PCLO: variants seen among roughly 807,000 people sequenced by gnomAD.
The protein encoded by PCLO is protein piccolo.
A neutral mutation model predicts 427.5 loss-of-function variants in PCLO; 82 were observed. That is an observed-to-expected ratio of 0.19 (90% CI 0.16 to 0.23). PCLO has a LOEUF of 0.23. Among genes scored for constraint, PCLO ranks in the 10% least tolerant of loss-of-function variants. The probability of loss-of-function intolerance (pLI) is 1.00; values close to 1 mark genes in which losing one functional copy is unlikely to be tolerated. For synonymous variants in PCLO, 2,357 were observed against 2,155.4 expected (o/e 1.09, Z -2.59); for missense variants, 6,239 against 6,115.9 (o/e 1.02, Z -0.67).
intron 3 of PCLO, 29 bp downstream of exon 3, chr7:83,134,221 A>ATATAAGT: frequency 2.1e-6 from 1 of 486,654 alleles, no homozygotes; most frequent in African/African-American, 2.1e-5. Flanking sequence ...CATATGTAAT[A>ATATAAGT]TATATATATA....
chr7:83,130,762 T>G (rs923626615), intron 3 of PCLO, among the ~76,000 whole-genome samples: 2 of 152,112 alleles, frequency 1.3e-5, no homozygotes, highest in Admixed American at 1.3e-4. Flanking sequence ...AGAGTAAAGA[T>G]CTCAAAAAAT....
intron 3 of PCLO, among the ~76,000 whole-genome samples, chr7:83,080,057 C>T (rs774945342): frequency 2.0e-5 from 3 of 152,074 alleles, no homozygotes; most frequent in Non-Finnish European, 4.4e-5. Flanking sequence ...GATCTCATTC[C>T]TTTTCATGGC....
At chr7:82,975,272 T>A (rs1795992481) in intron 3 of PCLO, among the ~76,000 whole-genome samples, 1 of 152,172 alleles carries the variant, frequency 6.6e-6, no homozygotes, top group Non-Finnish European at 1.5e-5. Context: ...TTGTTAAGAT[T>A]ACAAAGAAAT....
At chr7:83,053,657 T>C (rs1047885031) in intron 3 of PCLO, among the ~76,000 whole-genome samples, 7 of 151,968 alleles carry the variant, frequency 4.6e-5, no homozygotes, top group African/African-American at 1.7e-4. Context: ...AGCCATGTTT[T>C]AGAGCTATCT....
At chr7:83,025,114 G>A (rs1462777212) in intron 3 of PCLO, among the ~76,000 whole-genome samples, 3 of 152,194 alleles carry the variant, frequency 2.0e-5, no homozygotes, top group Admixed American at 6.5e-5. Context: ...GAACGACTTT[G>A]ACGAGCTGAG....
intron 3 of PCLO, among the ~76,000 whole-genome samples, chr7:83,010,329 T>G (rs960872357): frequency 6.6e-6 from 1 of 151,778 alleles, no homozygotes; most frequent in African/African-American, 2.4e-5. Flanking sequence ...CTAAATTCAC[T>G]CTTAATCTAC....
intron 22 of PCLO, among the ~76,000 whole-genome samples, chr7:82,773,181 A>T (rs1790680807): frequency 6.6e-6 from 1 of 152,186 alleles, no homozygotes; most frequent in South Asian, 2.1e-4. Flanking sequence ...ATCTTCTTTA[A>T]ACTCGGAATA....
At chr7:83,089,853 G>A (rs889012997) in intron 3 of PCLO, among the ~76,000 whole-genome samples, 2 of 152,210 alleles carry the variant, frequency 1.3e-5, no homozygotes, top group African/African-American at 2.4e-5. Context: ...CCTTTTGTCT[G>A]CCAAGATTAC....
In PCLO at chr7:82,825,342, A is replaced by C. The variant is rs1791907901; in HGVS notation, c.14416-926T>G. 3.3e-5 allele frequency among the ~76,000 whole-genome samples: 5 copies of C among 152,202 alleles called. No individual in the cohort carries two copies. The South Asian group carries it at 1.0e-3, about 32-fold the overall frequency. On this transcript the variant is annotated intron_variant, in intron 18 of 24. Transcript: ENST00000333891. ...AAGTCACTTTTTTGAAATGAAACAT[A>C]AAGTCAGGCATAATACTAATCTAGA...
In PCLO at chr7:82,951,405, T is replaced by C. The variant is rs776207154; in HGVS notation, c.9183A>G (p.Pro3061=). The part of the protein sequence containing the change: ...QVISGAGIST[P]QYSTARMTPP... ...GTGTCATTCTTGCTGTGGAATACTG[T>C]GGGGTACTAATCCCAGCTCCTGAAA... Residue 3061 remains proline, a synonymous_variant, in exon 6 of 25, where the codon CCA becomes CCG. Transcript: ENST00000333891. The C allele has an allele frequency of 1.9e-6, 3 of 1,599,786 alleles. No homozygotes were observed. Among genetic ancestry groups the C allele is most frequent in the Admixed American group, 1.7e-5 (1 of 57,578 alleles).
In PCLO at chr7:82,950,630, A is replaced by G. The variant is rs769522141; in HGVS notation, c.9958T>C (p.Tyr3320His). Residue 3320 changes from tyrosine (Y) to histidine (H), a missense_variant, in exon 6 of 25, where the codon TAT becomes CAT. Tyr to His is a moderately conservative substitution (Grantham distance 83). This residue lies in a region of PCLO where 4,677 missense variants were observed against 4,468.4 expected (regional missense o/e 1.05). Coordinates refer to ENST00000333891, the MANE Select transcript of PCLO (RefSeq NM_033026.6). ...GGAGAAGCAGTTCCAGAAGGGTCAT[A>G]GTTATACTGGTAGATCTGCCGAATC... is the stretch of plus-strand genomic sequence containing the variant. The part of the protein sequence containing the change: ...QKIRQIYQYN[Y>H]DPSGTASPQT... 5 of 1,613,818 alleles carry G rather than the reference A, an allele frequency of 3.1e-6. No individual in the cohort carries two copies. The highest frequency in any genetic ancestry group is 1.7e-5 in the Admixed American group (1 of 60,004).
At chr7:82,990,613 G>A (rs549469182) in intron 3 of PCLO, among the ~76,000 whole-genome samples, 350 of 152,194 alleles carry the variant, frequency 2.3e-3, no homozygotes, top group Admixed American at 3.7e-3. Flanking sequence ...ACAGAAATCC[G>A]TAACTACTAC....
intron 6 of PCLO, among the ~76,000 whole-genome samples, chr7:82,937,316 C>A (rs1794976891): frequency 6.7e-6 from 1 of 149,386 alleles, no homozygotes; most frequent in Non-Finnish European, 1.5e-5. Context: ...ATGGTAATGC[C>A]TGTTAACATC....
Position 82,789,307 on chromosome 7 carries a change from A to G in PCLO, c.15007+12211T>C, listed in dbSNP as rs563528764. Among the ~76,000 whole-genome samples, 3 of 152,354 alleles carry G rather than the reference A, an allele frequency of 2.0e-5. No homozygotes were observed. The East Asian group carries it at 5.8e-4, about 29-fold the overall frequency. ...TAGTTGAATCAATTAGATTGATTCA[A>G]TTAGATTCTTAAATCGAAGAAGCAT... is the stretch of plus-strand genomic sequence containing the variant. On this transcript the variant is annotated intron_variant, in intron 22 of 24. Transcript: ENST00000333891.
chr7:83,040,162 T>C (rs558536128), intron 3 of PCLO, among the ~76,000 whole-genome samples: 68 of 152,296 alleles, frequency 4.5e-4, no homozygotes, highest in African/African-American at 1.5e-3. Flanking sequence ...TTGTACATTT[T>C]AGGTAATAGA....
At chr7:82,945,629 G>C (rs1002991651) in intron 6 of PCLO, among the ~76,000 whole-genome samples, 1 of 152,114 alleles carries the variant, frequency 6.6e-6, no homozygotes, top group Non-Finnish European at 1.5e-5. Context: ...TGTTATGAGA[G>C]CGCTAGCAAA....
chr7:83,152,015 A>G (rs1195329987), intron 2 of PCLO, among the ~76,000 whole-genome samples: 1 of 151,728 alleles, frequency 6.6e-6, no homozygotes, highest in East Asian at 1.9e-4. Flanking sequence ...CCCAGGCTGG[A>G]ATGCAGTGGC....
At chr7:82,776,955 A>C (rs972836669) in intron 22 of PCLO, among the ~76,000 whole-genome samples, 2 of 151,452 alleles carry the variant, frequency 1.3e-5, no homozygotes, top group Admixed American at 1.3e-4. Flanking sequence ...TATATATAAA[A>C]CCTTGCTTCT....
At chr7:82,891,518 A>G (rs1042599901) in intron 9 of PCLO, among the ~76,000 whole-genome samples, 1 of 151,892 alleles carries the variant, frequency 6.6e-6, no homozygotes, top group Non-Finnish European at 1.5e-5. Flanking sequence ...CTAATTGAAT[A>G]CCCTTTATTT....
Sources: allele counts gnomAD v4.1 joint callset (sites outside exome capture counted in the v4.1 genomes callset), GRCh38; gene constraint gnomAD v4.1.1; regional missense constraint gnomAD v4.1.1; transcripts MANE v1.5; gene names NCBI Gene and HGNC (gene_info 2026-07-23, HGNC 2026-07-21).